The following CLTC variants were observed in gnomAD, a reference collection of about 807,000 sequenced individuals.
CLTC encodes the protein clathrin heavy chain 1.
CLTC carries 16 observed loss-of-function variants against 195.8 expected under a neutral mutation model. The observed-to-expected ratio is 0.08, with a 90% CI of 0.06 to 0.12. The LOEUF is 0.12. Ranked by LOEUF, CLTC falls within the 10% of genes least tolerant of loss-of-function variation. The pLI, the probability that CLTC is intolerant of heterozygous loss-of-function variation, is 1.00. For synonymous variants in CLTC, 667 were observed against 689.4 expected (o/e 0.97, Z 0.51); for missense variants, 796 against 2,027.0 (o/e 0.39, Z 11.66).
intron 13 of CLTC, among the ~76,000 whole-genome samples, chr17:59,668,124 T>C (rs1415781058): frequency 6.6e-6 from 1 of 152,216 alleles, no homozygotes; most frequent in Non-Finnish European, 1.5e-5. Context: ...GGCTATTATA[T>C]TGGAAGGCAA....
chr17:59,681,039 C>G lies in CLTC; in HGVS notation c.3047C>G (p.Ser1016Cys). Reference protein sequence around the residue: ...ELLEKIVLDNSVFSEHRNLQN... With the variant: ...ELLEKIVLDNCVFSEHRNLQN... Reference sequence around the variant, plus strand: ...CTGGAGAAAATTGTCCTTGATAACTCTGTATTCAGTGAACACAGGTATGCT... The same window carrying G: ...CTGGAGAAAATTGTCCTTGATAACTGTGTATTCAGTGAACACAGGTATGCT... The change falls in exon 19 of 32, where the codon TCT becomes TGT. Residue 1016 changes from serine to cysteine, a missense_variant. By Grantham distance (112) the Ser-to-Cys change is moderately radical (BLOSUM62 -1). Around this residue, in one of 9 missense-constraint regions of CLTC, gnomAD observed 160 missense variants for 448.2 expected, o/e 0.36. Transcript: ENST00000269122. This position sits in a 1 kb window ranked among gnomAD's most constrained non-coding sequence, Gnocchi z 5.0. 6.2e-7 allele frequency: 1 copy of G among 1,613,988 alleles called. No homozygotes were observed. Among genetic ancestry groups the G allele is most frequent in the Non-Finnish European group, 8.5e-7 (1 of 1,179,898 alleles).
Position 59,680,959 on chromosome 17 carries a change from A to T in CLTC, c.2967A>T (p.Ser989=), listed in dbSNP as rs2033070143. Residue 989 remains serine (S), a synonymous_variant, in exon 19 of 32, where the codon TCA becomes TCT. Transcript: ENST00000269122. ...LSETQDPEEV[S]VTVKAFMTAD... is the part of the protein sequence containing the mutation. ...AGACTCAGGACCCTGAAGAAGTGTC[A>T]GTAACTGTAAAGGCTTTCATGACTG... 1 of 1,613,900 alleles carries T rather than the reference A, an allele frequency of 6.2e-7. No homozygotes were observed. The highest frequency in any genetic ancestry group is 8.5e-7 in the Non-Finnish European group (1 of 1,179,806).
chr17:59,627,304 C>T (rs923539967), intron 1 of CLTC, among the ~76,000 whole-genome samples: 5 of 152,256 alleles, frequency 3.3e-5, no homozygotes, highest in Non-Finnish European at 5.9e-5. Context: ...CTATTACGTG[C>T]CAAGAACTGT....
At position 59,663,694 on chromosome 17, in the gene CLTC, ACCAAC is replaced by A. The variant is rs1244872133; in HGVS notation, c.1369-146_1369-142del. ...GCTGTGAACACAAGATTAAGAGTCT[ACCAAC>A]CACAACCCCTGCATATTTATAATAT... On this transcript the variant is annotated intron_variant, in intron 8 of 31. Coordinates refer to ENST00000269122, the MANE Select transcript of CLTC (RefSeq NM_004859.4). 4 of 601,506 alleles carry A rather than the reference ACCAAC, an allele frequency of 6.6e-6. No individual in the cohort carries two copies. In the African/African-American group the frequency reaches 7.6e-5, roughly 11 times the overall value. The allele number at this position is 601,506 out of a possible 1,614,324, so 37.3% of individuals were successfully genotyped here. A position where few individuals can be genotyped will look rare whatever the true frequency, so the allele number is the denominator to read the frequency against.
At chr17:59,646,100 G>A (rs2143502311) in intron 2 of CLTC, 2 of 417,982 alleles carry the variant, frequency 4.8e-6, no homozygotes, top group Admixed American at 6.4e-5. Context: ...TCGGAGCATT[G>A]TACAATAACA....
intron 3 of CLTC, 140 bp downstream of exon 3, chr17:59,647,806 C>T (rs1401998451): frequency 1.4e-6 from 1 of 715,262 alleles, no homozygotes; most frequent in African/African-American, 1.8e-5. Flanking sequence ...TTTTTTCCTT[C>T]CTCCCATCCC....
In CLTC at chr17:59,685,160, T is replaced by C. The variant is rs760357278; in HGVS notation, c.4539T>C (p.Tyr1513=). ...TTGAGTTCAGGAGAATTGCTGCTTA[T>C]CTCTTCAAAGGCAACAATCGCTGGA... The part of the protein sequence containing the change: ...ELIEFRRIAA[Y]LFKGNNRWKQ... Residue 1513 remains tyrosine (Y), a synonymous_variant, in exon 29 of 32, where the codon TAT becomes TAC. Coordinates refer to ENST00000269122, the MANE Select transcript of CLTC (RefSeq NM_004859.4). This position sits in a 1 kb window ranked among gnomAD's most constrained non-coding sequence, Gnocchi z 5.0. The C allele has an allele frequency of 6.2e-7, 1 of 1,612,882 alleles. No homozygotes were observed. Among genetic ancestry groups the C allele is most frequent in the South Asian group, 1.1e-5 (1 of 90,978 alleles).
intron 16 of CLTC, among the ~76,000 whole-genome samples, chr17:59,676,000 C>T (rs561999278): frequency 3.3e-5 from 5 of 152,276 alleles, no homozygotes; most frequent in African/African-American, 9.6e-5. Flanking sequence ...GCCAAAATAA[C>T]GAATAATGCT....
At chr17:59,633,810 G>C (rs1332196637) in intron 1 of CLTC, among the ~76,000 whole-genome samples, 1 of 152,172 alleles carries the variant, frequency 6.6e-6, no homozygotes. Flanking sequence ...GAATATTAAG[G>C]AGACTGTCCA....
intron 1 of CLTC, among the ~76,000 whole-genome samples, chr17:59,636,995 T>C (rs920376909): frequency 5.3e-5 from 8 of 149,650 alleles, no homozygotes; most frequent in South Asian, 2.1e-4. Flanking sequence ...TTGGCCAGGC[T>C]GGTCTTGAAC....
intron 18 of CLTC, 24 bp downstream of exon 18, chr17:59,679,543 G>A: frequency 6.5e-7 from 1 of 1,539,900 alleles, no homozygotes; most frequent in Non-Finnish European, 8.8e-7. Context: ...ATGTGTTTAT[G>A]GCTGTCAGTA....
At chr17:59,628,318 C>T (rs1235939097) in intron 1 of CLTC, among the ~76,000 whole-genome samples, 3 of 152,136 alleles carry the variant, frequency 2.0e-5, no homozygotes, top group African/African-American at 7.2e-5. Context: ...TTTATTAAAA[C>T]AATATTTCCT....
intron 14 of CLTC, among the ~76,000 whole-genome samples, chr17:59,670,494 A>C (rs1342155567): frequency 6.6e-6 from 1 of 151,752 alleles, no homozygotes; most frequent in Non-Finnish European, 1.5e-5. Context: ...CTCTGTGTCC[A>C]TGTGTTCTCA....
chr17:59,627,026 A>C (rs975779973), intron 1 of CLTC, among the ~76,000 whole-genome samples: 2 of 152,008 alleles, frequency 1.3e-5, no homozygotes, highest in African/African-American at 4.8e-5. Context: ...TGCTCCCTAA[A>C]TAGCTGGGAC....
In CLTC at chr17:59,695,018, C is replaced by T. The variant is rs958050369; in HGVS notation, c.*1166C>T. 2 of 212,572 alleles carry T rather than the reference C, an allele frequency of 9.4e-6. No individual in the cohort carries two copies. Among genetic ancestry groups the T allele is most frequent in the African/African-American group, 4.5e-5 (2 of 44,154 alleles). The allele number at this position is 212,572 out of a possible 1,614,324, so 13.2% of individuals were successfully genotyped here. On this transcript the variant is annotated 3_prime_UTR_variant, in exon 32 of 32. Transcript: ENST00000269122. ...ATTTAATCTGTCTCCAATATTTTAACCAAGTGACACCGAGGTTTTTATCGA... is the reference window on the plus strand; with the variant it reads ...ATTTAATCTGTCTCCAATATTTTAATCAAGTGACACCGAGGTTTTTATCGA...
Position 59,661,446 on chromosome 17 carries a change from ATTC to A in CLTC, c.1175_1177del (p.Leu392del). 6.2e-7 allele frequency: 1 copy of A among 1,613,332 alleles called. No homozygotes were observed. The highest frequency in any genetic ancestry group is 8.5e-7 in the Non-Finnish European group (1 of 1,179,442). ...TTAACATTTCTCCTTCTTAAAGGGA[ATTC>A]TTCGTACTCCAGACACTATCCGTCG... On this transcript the variant is annotated inframe_deletion, in exon 8 of 32. Transcript: ENST00000269122.
chr17:59,622,399 T>C (rs2143428669), intron 1 of CLTC, among the ~76,000 whole-genome samples: 1 of 152,258 alleles, frequency 6.6e-6, no homozygotes, highest in South Asian at 2.1e-4. Context: ...AAGCATTTTG[T>C]TTTTTTGAGG....
chr17:59,692,348 T>C (rs2033324249), intron 31 of CLTC, among the ~76,000 whole-genome samples: 3 of 152,108 alleles, frequency 2.0e-5, no homozygotes, highest in Admixed American at 2.0e-4. Context: ...CAATAATAAT[T>C]TGTTTGCTGA....
rs770198821 is a variant in CLTC at position 59,663,925 on chromosome 17, C to A, written c.1452C>A (p.Val484=). 8 of 1,613,744 alleles carry A rather than the reference C, an allele frequency of 5.0e-6. No homozygotes were observed. The highest frequency in any genetic ancestry group is 3.3e-5 in the Admixed American group (2 of 59,980). The change falls in exon 9 of 32, where the codon GTC becomes GTA. Residue 484 remains valine, a synonymous_variant. Coordinates refer to ENST00000269122, the MANE Select transcript of CLTC (RefSeq NM_004859.4). ...LALSVYLRAN[V]PNKVIQCFAE... is the part of the protein sequence containing the mutation. ...TTAGTGTGTACCTAAGGGCTAACGT[C>A]CCAAATAAAGTCATTCAGTGCTTTG...
Sources: allele counts gnomAD v4.1 joint callset (sites outside exome capture counted in the v4.1 genomes callset), GRCh38; gene constraint gnomAD v4.1.1; regional missense constraint gnomAD v4.1.1; non-coding constraint Gnocchi (gnomAD v3.1); transcripts MANE v1.5; gene names NCBI Gene and HGNC (gene_info 2026-07-23, HGNC 2026-07-21).